MAML3: variants seen among roughly 807,000 people sequenced by gnomAD.
The protein encoded by MAML3 is mastermind-like protein 3.
A neutral mutation model predicts 101.9 loss-of-function variants in MAML3; 27 were observed. That is an observed-to-expected ratio of 0.27 (90% CI 0.20 to 0.37). The LOEUF (loss-of-function observed/expected upper bound fraction) is 0.37. Among genes scored for constraint, MAML3 ranks in the 10% least tolerant of loss-of-function variants. The pLI is 1.00. For synonymous variants in MAML3, 501 were observed against 555.9 expected, an observed-to-expected ratio of 0.90 and a Z score of 1.39; for missense variants, 1,316 against 1,444.9, an observed-to-expected ratio of 0.91 and a Z score of 1.45.
At chr4:139,721,508 A>G (rs1728232710) in intron 4 of MAML3, among the ~76,000 whole-genome samples, 1 of 152,206 alleles carries the variant, frequency 6.6e-6, no homozygotes, top group African/African-American at 2.4e-5. Context: ...CCAGATGAGA[A>G]TAGTCTAACC....
intron 1 of MAML3, among the ~76,000 whole-genome samples, chr4:140,118,013 A>G (rs1728543527): frequency 6.6e-6 from 1 of 152,212 alleles, no homozygotes; most frequent in South Asian, 2.1e-4. Flanking sequence ...AAAAGAACAC[A>G]CTAAATTTAT....
intron 1 of MAML3, among the ~76,000 whole-genome samples, chr4:140,123,875 G>C (rs796547464): frequency 7.9e-5 from 12 of 152,312 alleles, no homozygotes; most frequent in African/African-American, 2.6e-4. Flanking sequence ...CTACACCTTT[G>C]TAAGGCTTCT....
At chr4:139,952,009 C>T (rs1446864458) in intron 1 of MAML3, among the ~76,000 whole-genome samples, 1 of 152,004 alleles carries the variant, frequency 6.6e-6, no homozygotes, top group African/African-American at 2.4e-5. Context: ...ACTAAAAATA[C>T]AAAAAATTAG....
At chr4:140,083,416 C>T (rs368827544) in intron 1 of MAML3, among the ~76,000 whole-genome samples, 1 of 152,208 alleles carries the variant, frequency 6.6e-6, no homozygotes, top group African/African-American at 2.4e-5. Flanking sequence ...GCACAGTCAC[C>T]CTTCTTGCCC....
In MAML3 at chr4:140,084,771, AAG is replaced by A. The variant is rs1365531193; in HGVS notation, c.468+68087_468+68088del. On this transcript the variant is annotated intron_variant, in intron 1 of 4. Coordinates refer to ENST00000509479, the MANE Select transcript of MAML3 (RefSeq NM_018717.5). ...GAAACAAAACTTACTTTTCCAAAGA[AAG>A]AGAATCCTTTAACCTACTTTGAGGA... Among the ~76,000 whole-genome samples the A allele has an allele frequency of 4.6e-5, 7 of 152,362 alleles. No individual in the cohort carries two copies. The East Asian group carries it at 1.3e-3, about 29-fold the overall frequency.
At chr4:139,921,499 G>C (rs909291377) in intron 1 of MAML3, among the ~76,000 whole-genome samples, 8 of 152,140 alleles carry the variant, frequency 5.3e-5, no homozygotes, top group Non-Finnish European at 1.0e-4. Flanking sequence ...AAGAGGGAGG[G>C]GGGCTGCTGC....
chr4:139,868,871 T>C (rs1333911143), intron 2 of MAML3, among the ~76,000 whole-genome samples: 2 of 152,152 alleles, frequency 1.3e-5, no homozygotes, highest in African/African-American at 4.8e-5. Context: ...GTGATAGCAG[T>C]GGTATTAAAA....
At chr4:139,858,171 G>C (rs550764008) in intron 2 of MAML3, among the ~76,000 whole-genome samples, 61 of 152,258 alleles carry the variant, frequency 4.0e-4, no homozygotes, top group African/African-American at 1.4e-3. Flanking sequence ...GCACCCAAGG[G>C]CACAAAGACA....
intron 2 of MAML3, among the ~76,000 whole-genome samples, chr4:139,812,962 C>T (rs1009223043): frequency 2.8e-4 from 28 of 99,986 alleles, no homozygotes; most frequent in African/African-American, 1.2e-3. Flanking sequence ...CTAATATATT[C>T]TCAGAAATGT....
intron 1 of MAML3, among the ~76,000 whole-genome samples, chr4:140,078,311 A>C (rs983273149): frequency 1.3e-5 from 2 of 152,226 alleles, no homozygotes; most frequent in African/African-American, 4.8e-5. Flanking sequence ...GCTACTAAAC[A>C]GGAGCCGTAC....
chr4:140,086,470 T>C (rs911826223), intron 1 of MAML3, among the ~76,000 whole-genome samples: 1 of 152,160 alleles, frequency 6.6e-6, no homozygotes, highest in African/African-American at 2.4e-5. Flanking sequence ...ATCTTCTCAG[T>C]ATCAATGTGA....
chr4:139,728,274 A>G (rs1421346750), intron 3 of MAML3, among the ~76,000 whole-genome samples: 2 of 152,140 alleles, frequency 1.3e-5, no homozygotes, highest in East Asian at 3.9e-4. Flanking sequence ...CACTTGGACA[A>G]CCTGCACTAA....
At chr4:140,034,683 A>G (rs1726957474) in intron 1 of MAML3, among the ~76,000 whole-genome samples, 1 of 152,228 alleles carries the variant, frequency 6.6e-6, no homozygotes, top group South Asian at 2.1e-4. Flanking sequence ...AGCTCTGTGA[A>G]GATACCTCTG....
intron 1 of MAML3, among the ~76,000 whole-genome samples, chr4:139,912,565 T>C (rs1482664369): frequency 1.3e-5 from 2 of 152,142 alleles, no homozygotes; most frequent in Non-Finnish European, 2.9e-5. Flanking sequence ...GGAAATAGGA[T>C]CTTTGCAGAT....
At chr4:139,832,761 A>T (rs1196567610) in intron 2 of MAML3, among the ~76,000 whole-genome samples, 1 of 152,240 alleles carries the variant, frequency 6.6e-6, no homozygotes, top group South Asian at 2.1e-4. Context: ...ATGTGCAGAA[A>T]GGCAGAGGTC....
At chr4:139,942,199 CAGGCAGGCAGGA>C (rs1341770689) in intron 1 of MAML3, among the ~76,000 whole-genome samples, 57 of 151,598 alleles carry the variant, frequency 3.8e-4, no homozygotes, top group African/African-American at 9.9e-4. Context: ...GGCAGGCAGG[CAGGCAGGCAGGA>C]AGGAAGACAT....
At chr4:139,942,787 T>A (rs189761896) in intron 1 of MAML3, among the ~76,000 whole-genome samples, 31 of 152,282 alleles carry the variant, frequency 2.0e-4, no homozygotes, top group African/African-American at 7.0e-4. Flanking sequence ...GAAAACTGAA[T>A]CGTGATTTGG....
intron 1 of MAML3, among the ~76,000 whole-genome samples, chr4:140,116,563 G>C (rs919311099): frequency 6.6e-6 from 1 of 152,200 alleles, no homozygotes; most frequent in African/African-American, 2.4e-5. Flanking sequence ...AATTCCTTCA[G>C]AAAGTCACGT....
At chr4:140,102,903 G>C (rs1728276442) in intron 1 of MAML3, among the ~76,000 whole-genome samples, 1 of 152,210 alleles carries the variant, frequency 6.6e-6, no homozygotes, top group Non-Finnish European at 1.5e-5. Flanking sequence ...GTAAAGGAAA[G>C]AAGGGAAGCT....
Sources: allele counts gnomAD v4.1 joint callset (sites outside exome capture counted in the v4.1 genomes callset), GRCh38; gene constraint gnomAD v4.1.1; transcripts MANE v1.5; gene names NCBI Gene and HGNC (gene_info 2026-07-23, HGNC 2026-07-21).